Variants in CSMD1 observed in about 807,000 individuals in gnomAD.
CSMD1 encodes CUB and sushi domain-containing protein 1.
A neutral mutation model predicts 417.5 loss-of-function variants in CSMD1; 213 were observed. The observed-to-expected ratio is 0.51, with a 90% CI of 0.46 to 0.57. The LOEUF (loss-of-function observed/expected upper bound fraction) is 0.57. Ranked by LOEUF, CSMD1 falls within the 20% of genes least tolerant of loss-of-function variation. CSMD1 has a pLI of 0.00. For missense variants in CSMD1, 6,923 were observed against 4,529.7 expected, an observed-to-expected ratio of 1.53 and a Z score of -15.17; for synonymous variants, 2,862 against 1,736.8, an observed-to-expected ratio of 1.65 and a Z score of -16.11.
At chr8:4,878,185 G>C (rs991858087) in intron 1 of CSMD1, among the ~76,000 whole-genome samples, 2 of 152,012 alleles carry the variant, frequency 1.3e-5, no homozygotes, top group African/African-American at 4.8e-5. Flanking sequence ...TTTGGAGGTG[G>C]TTCTTAAAAT....
intron 5 of CSMD1, among the ~76,000 whole-genome samples, chr8:3,912,271 A>G (rs948696475): frequency 1.3e-5 from 2 of 152,226 alleles, no homozygotes; most frequent in African/African-American, 4.8e-5. Context: ...ATTATTCAAA[A>G]AACAATATAC....
chr8:4,435,892 T>C (rs987944717), intron 2 of CSMD1, among the ~76,000 whole-genome samples: 2 of 152,200 alleles, frequency 1.3e-5, no homozygotes, highest in African/African-American at 2.4e-5. Flanking sequence ...GTGGAGTGTG[T>C]GTCAAATGTA....
chr8:4,417,694 G>T (rs889520215), intron 3 of CSMD1, among the ~76,000 whole-genome samples: 2 of 151,868 alleles, frequency 1.3e-5, no homozygotes, highest in Non-Finnish European at 2.9e-5. Flanking sequence ...AAACTAATGG[G>T]AAAAGAGGAA....
chr8:3,152,968 GA>G (rs1819294450), intron 39 of CSMD1, among the ~76,000 whole-genome samples: 1 of 152,198 alleles, frequency 6.6e-6, no homozygotes, highest in African/African-American at 2.4e-5. Context: ...TGTTAAACCA[GA>G]ACAACTCCAC....
In CSMD1 at chr8:2,957,307, T is replaced by C. The variant is rs78736919; in HGVS notation, c.9814+389A>G. ...TGATGTAAATATCCTAGGAGAATAA[T>C]AGCACGTACAAATAAGTTTTCCCTC... is the stretch of plus-strand genomic sequence containing the variant. On this transcript the variant is annotated intron_variant, in intron 63 of 69. Coordinates refer to ENST00000635120, the MANE Select transcript of CSMD1 (RefSeq NM_033225.6). Among the ~76,000 whole-genome samples, 1,488 of 152,330 alleles carry C rather than the reference T, an allele frequency of 9.8e-3. 21 individuals carry two copies. Among genetic ancestry groups the C allele is most frequent in the African/African-American group, 0.031 (1,308 of 41,576 alleles).
At chr8:3,691,688 T>C (rs966051109) in intron 7 of CSMD1, among the ~76,000 whole-genome samples, 1 of 152,168 alleles carries the variant, frequency 6.6e-6, no homozygotes, top group Admixed American at 6.5e-5. Context: ...TTTATAGCAA[T>C]GTAATAAACA....
intron 12 of CSMD1, among the ~76,000 whole-genome samples, chr8:3,413,843 G>T (rs892473299): frequency 2.6e-5 from 4 of 151,964 alleles, no homozygotes; most frequent in African/African-American, 9.7e-5. Flanking sequence ...CATTTTCTTA[G>T]AAACAAACAC....
Position 3,118,619 on chromosome 8 carries a change from A to G in CSMD1, c.6242-32T>C, listed in dbSNP as rs755215117. ...GAAACAAACAGACAAAATAAAGCTT[A>G]TATTTGTGAGGTTAAATTACTTCGG... On this transcript the variant is annotated intron_variant, in intron 41 of 69. Transcript: ENST00000635120. 3.4e-5 allele frequency: 54 copies of G among 1,593,702 alleles called. 1 individual carries two copies. Among genetic ancestry groups the G allele is most frequent in the Non-Finnish European group, 4.4e-5 (51 of 1,167,574 alleles).
rs561556054 is a variant in CSMD1, at chr8:4,244,699, CTA to C, written c.415+175252_415+175253del. Among the ~76,000 whole-genome samples the C allele has an allele frequency of 2.7e-3, 416 of 152,122 alleles. 2 individuals carry two copies. The highest frequency in any genetic ancestry group is 9.9e-3 in the African/African-American group (410 of 41,500). ...TGTGTTATTTTCACACATCATTCCT[CTA>C]TGTCTAGAAAACTCAGTTACCTCAA... On this transcript the variant is annotated intron_variant, in intron 3 of 69. Coordinates refer to ENST00000635120, the MANE Select transcript of CSMD1 (RefSeq NM_033225.6).
intron 3 of CSMD1, among the ~76,000 whole-genome samples, chr8:4,370,457 T>C (rs1476344324): frequency 6.6e-6 from 1 of 152,196 alleles, no homozygotes; most frequent in Non-Finnish European, 1.5e-5. Context: ...GGAGATTCTC[T>C]GAATTTCTTG....
intron 41 of CSMD1, among the ~76,000 whole-genome samples, chr8:3,131,645 T>G (rs1271952744): frequency 6.6e-6 from 1 of 152,188 alleles, no homozygotes; most frequent in East Asian, 1.9e-4. Context: ...CTACTTTTTG[T>G]ATTTTAAGTA....
intron 8 of CSMD1, among the ~76,000 whole-genome samples, chr8:3,593,895 T>A (rs1364088490): frequency 1.3e-5 from 2 of 152,210 alleles, no homozygotes; most frequent in African/African-American, 4.8e-5. Context: ...GATTTTCACA[T>A]TAAAACACTG....
intron 5 of CSMD1, among the ~76,000 whole-genome samples, chr8:3,959,920 C>T (rs1301572260): frequency 1.3e-5 from 2 of 152,178 alleles, no homozygotes; most frequent in Non-Finnish European, 2.9e-5. Context: ...TGGGTATTCC[C>T]TGAAGCCCTG....
chr8:3,878,908 G>C (rs1237351203), intron 5 of CSMD1, among the ~76,000 whole-genome samples: 11 of 152,156 alleles, frequency 7.2e-5, no homozygotes, highest in Non-Finnish European at 4.4e-5. Flanking sequence ...GTTATATGAA[G>C]TCTCAGAGAA....
intron 26 of CSMD1, among the ~76,000 whole-genome samples, chr8:3,234,455 G>T (rs1480421304): frequency 6.6e-6 from 1 of 152,122 alleles, no homozygotes; most frequent in Non-Finnish European, 1.5e-5. Context: ...GTTTTGAACA[G>T]GGGAATCTCA....
chr8:4,447,868 G>C (rs118167511), intron 2 of CSMD1, among the ~76,000 whole-genome samples: 327 of 152,274 alleles, frequency 2.1e-3, no homozygotes, highest in South Asian at 3.3e-3. Flanking sequence ...AAGTAGAGGA[G>C]GCTCGACGAA....
At chr8:3,895,444 A>G (rs1807295601) in intron 5 of CSMD1, among the ~76,000 whole-genome samples, 1 of 152,142 alleles carries the variant, frequency 6.6e-6, no homozygotes, top group Non-Finnish European at 1.5e-5. Context: ...GTCAATCCAC[A>G]ATGTTTAAAT....
At chr8:3,357,840 G>C (rs1808893434) in intron 21 of CSMD1, among the ~76,000 whole-genome samples, 1 of 152,064 alleles carries the variant, frequency 6.6e-6, no homozygotes, top group African/African-American at 2.4e-5. Context: ...CAAACAGTAA[G>C]AACCATTATT....
At position 3,970,105 on chromosome 8, in the gene CSMD1, G is replaced by A. The variant is rs758379219; in HGVS notation, c.818+27798C>T. ...GCTCTAAAATTAAAAACCTTCCTTT[G>A]TGAGAAATCTTAAAATGCTCAATCA... On this transcript the variant is annotated intron_variant, in intron 5 of 69. Transcript: ENST00000635120. Among the ~76,000 whole-genome samples the A allele has an allele frequency of 5.5e-4, 83 of 152,254 alleles. 1 individual carries two copies. The South Asian group carries it at 0.015, about 27-fold the overall frequency.
Sources: gnomAD v4.1 joint callset for allele counts (sites outside exome capture counted in the v4.1 genomes callset) on GRCh38, gnomAD v4.1.1 for gene constraint, MANE v1.5 for transcripts, NCBI Gene and HGNC (gene_info 2026-07-23, HGNC 2026-07-21) for gene names.